Variants in C10orf53 observed in about 807,000 individuals in gnomAD.
C10orf53 encodes chromosome 10 open reading frame 53, also known as UPF0728 protein C10orf53.
In C10orf53, 8 loss-of-function variants were observed where a neutral mutation model predicts 9.4. That is an observed-to-expected ratio of 0.85 (90% CI 0.50 to 1.53). The LOEUF (loss-of-function observed/expected upper bound fraction) is 1.53. Among genes scored for constraint, C10orf53 ranks in the 40% most tolerant of loss-of-function variants. The pLI, the probability that C10orf53 is intolerant of heterozygous loss-of-function variation, is 0.00. For synonymous variants in C10orf53, 48 were observed against 46.0 expected, an observed-to-expected ratio of 1.04 and a Z score of -0.18; for missense variants, 117 against 117.8, an observed-to-expected ratio of 0.99 and a Z score of 0.03.
intron 2 of C10orf53, chr10:49,694,104 C>A: frequency 1.5e-6 from 1 of 653,110 alleles, no homozygotes; most frequent in South Asian, 2.2e-5. Flanking sequence ...ACGAGTTTCC[C>A]CAAACATTGG....
At chr10:49,709,963 G>GTC (rs1564510703) in exon 3 of C10orf53, 1 of 31,610 alleles carries the variant, frequency 3.2e-5, no homozygotes, top group Non-Finnish European at 1.0e-4. Flanking sequence ...GTGTGTGTGT[G>GTC]TGTGTGTGTC....
intron 2 of C10orf53, chr10:49,708,254 A>T (rs942718904): frequency 6.7e-7 from 1 of 1,490,106 alleles, no homozygotes; most frequent in African/African-American, 1.4e-5. Context: ...TGTATACCTG[A>T]AAAGTCCAGC....
intron 1 of C10orf53, among the ~76,000 whole-genome samples, chr10:49,690,502 C>G (rs1356269098): frequency 6.6e-6 from 1 of 152,206 alleles, no homozygotes; most frequent in Non-Finnish European, 1.5e-5. Context: ...TAGGCCTGAT[C>G]TTTTCTGAAC....
At chr10:49,686,926 C>T (rs953927074) in intron 1 of C10orf53, among the ~76,000 whole-genome samples, 1 of 152,198 alleles carries the variant, frequency 6.6e-6, no homozygotes, top group African/African-American at 2.4e-5. Context: ...AATCAAGAAC[C>T]AGAGTCCCAT....
At chr10:49,692,023 C>T (rs953926046) in intron 1 of C10orf53, among the ~76,000 whole-genome samples, 2 of 152,190 alleles carry the variant, frequency 1.3e-5, no homozygotes, top group East Asian at 3.9e-4. Context: ...AATGCAGCTC[C>T]GCCGTCCTGA....
downstream of C10orf53, among the ~76,000 whole-genome samples, chr10:49,699,606 C>T (rs141230604): frequency 3.9e-4 from 60 of 152,158 alleles, no homozygotes; most frequent in East Asian, 7.2e-3. Context: ...ATGGGATGCT[C>T]CTTGCAGGGG....
chr10:49,689,118 C>T lies in C10orf53; in HGVS notation c.98-4656C>T, dbSNP rs146481380. 5.9e-3 allele frequency among the ~76,000 whole-genome samples: 891 copies of T among 152,066 alleles called. 4 individuals carry two copies. Among genetic ancestry groups the T allele is most frequent in the African/African-American group, 0.02 (842 of 41,498 alleles). ...TTAAGAAAATCAACCTGCGTAAAGC[C>T]GAATGCTAGAACCACAGGAGGCAAG... On this transcript the variant is annotated intron_variant, in intron 1 of 2. Coordinates refer to ENST00000374111, the MANE Select transcript of C10orf53 (RefSeq NM_001042427.3).
exon 3 of C10orf53, chr10:49,708,611 C>A: frequency 6.2e-7 from 1 of 1,614,046 alleles, no homozygotes; most frequent in Non-Finnish European, 8.5e-7. Flanking sequence ...GAACTCAGCC[C>A]TACTGAAATC....
chr10:49,685,131 T>TACACACACACACGC (rs1444538522), intron 1 of C10orf53, among the ~76,000 whole-genome samples: 1 of 151,742 alleles, frequency 6.6e-6, no homozygotes, highest in African/African-American at 2.4e-5. Flanking sequence ...AACACACACA[T>TACACACACACACGC]ACACACACAC....
intron 1 of C10orf53, 70 bp from the exon 2 acceptor site, chr10:49,693,704 G>C (rs1673074931): frequency 3.3e-6 from 5 of 1,517,692 alleles, no homozygotes; most frequent in Non-Finnish European, 3.6e-6. Flanking sequence ...GTCATCATGA[G>C]GACTGCTACC....
At chr10:49,682,767 G>A (rs1235420448) in intron 1 of C10orf53, among the ~76,000 whole-genome samples, 1 of 152,154 alleles carries the variant, frequency 6.6e-6, no homozygotes, top group Non-Finnish European at 1.5e-5. Flanking sequence ...TAGCTAGACA[G>A]AAAAGTTCTC....
chr10:49,689,234 G>T (rs1347007416), intron 1 of C10orf53, among the ~76,000 whole-genome samples: 4 of 152,156 alleles, frequency 2.6e-5, no homozygotes, highest in Non-Finnish European at 4.4e-5. Flanking sequence ...GGAGCAGCCT[G>T]TGGAGGAGCA....
At chr10:49,700,337 C>T (rs535813070), downstream of C10orf53, among the ~76,000 whole-genome samples, 1 of 152,208 alleles carries the variant, frequency 6.6e-6, no homozygotes, top group African/African-American at 2.4e-5. Flanking sequence ...GGTGTTAGGA[C>T]AGGACTATAT....
At position 49,697,266 on chromosome 10, in the gene C10orf53, G is replaced by A. The variant is rs1255003847; in HGVS notation, c.*2664G>A. ...TATCCTCCTCTGTCACTGATTAAGA[G>A]GAACTTTCTCTATGGAAATCTCTGA... On this transcript the variant is annotated 3_prime_UTR_variant, in exon 3 of 3. Coordinates refer to ENST00000374111, the MANE Select transcript of C10orf53 (RefSeq NM_001042427.3). Among the ~76,000 whole-genome samples, 1 of 152,130 alleles carries A rather than the reference G, an allele frequency of 6.6e-6. No individual in the cohort carries two copies. Among genetic ancestry groups the A allele is most frequent in the African/African-American group, 2.4e-5 (1 of 41,430 alleles).
downstream of C10orf53, among the ~76,000 whole-genome samples, chr10:49,700,537 T>G (rs528028883): frequency 6.6e-6 from 1 of 152,252 alleles, no homozygotes; most frequent in East Asian, 1.9e-4. Flanking sequence ...ATACTCCGGG[T>G]TGGCGGTTGT....
downstream of C10orf53, among the ~76,000 whole-genome samples, chr10:49,697,832 C>T (rs922710011): frequency 6.6e-6 from 1 of 152,206 alleles, no homozygotes; most frequent in Non-Finnish European, 1.5e-5. Flanking sequence ...AGGCATGAGC[C>T]ACACCAAGCC....
At chr10:49,682,653 CCATTTTACAGAGTGCTGATTGGCT>C (rs1402772250) in intron 1 of C10orf53, among the ~76,000 whole-genome samples, 1 of 152,166 alleles carries the variant, frequency 6.6e-6, no homozygotes, top group African/African-American at 2.4e-5. Context: ...GCTGATTGGT[CCATTTTACAGAGTGCTGATTGGCT>C]CATTTTACAG....
chr10:49,702,716 C>A (rs1448422298), intron 2 of C10orf53, among the ~76,000 whole-genome samples: 2 of 152,274 alleles, frequency 1.3e-5, no homozygotes, highest in South Asian at 2.1e-4. Context: ...ATAGGTTTAG[C>A]TATAGATGTA....
In C10orf53 at chr10:49,679,715, G is replaced by T. The variant is rs1241096690; in HGVS notation, c.18G>T (p.Val6=). The change falls in exon 1 of 3, where the codon GTG becomes GTT. Residue 6 remains valine, a synonymous_variant. Coordinates refer to ENST00000374111, the MANE Select transcript of C10orf53 (RefSeq NM_001042427.3). MPKNA[V]VILRYGPYSA... is the part of the protein sequence containing the mutation. ...GCCTGGCGATGCCCAAGAACGCAGTGGTCATCCTGCGCTATGGGCCCTACA... is the reference window on the plus strand; with the variant it reads ...GCCTGGCGATGCCCAAGAACGCAGTTGTCATCCTGCGCTATGGGCCCTACA... 10 of 1,548,166 alleles carry T rather than the reference G, an allele frequency of 6.5e-6. No individual in the cohort carries two copies. The highest frequency in any genetic ancestry group is 1.4e-5 in the African/African-American group (1 of 72,812).
Sources: gnomAD v4.1 joint callset for allele counts (sites outside exome capture counted in the v4.1 genomes callset) on GRCh38, gnomAD v4.1.1 for gene constraint, MANE v1.5 for transcripts, NCBI Gene and HGNC (gene_info 2026-07-23, HGNC 2026-07-21) for gene names.